The following USP9X variants were observed in gnomAD, a reference collection of about 807,000 sequenced individuals.
USP9X encodes ubiquitin carboxyl-terminal hydrolase 9X.
USP9X carries 7 observed loss-of-function variants against 190.3 expected under a neutral mutation model. The ratio of observed to expected loss-of-function variants is 0.04; its 90% CI spans 0.02 to 0.07. USP9X has a LOEUF of 0.07. Ranked by LOEUF, USP9X falls within the 10% of genes least tolerant of loss-of-function variation. The pLI is 1.00. For missense variants in USP9X, 1,010 were observed against 1,916.9 expected, an observed-to-expected ratio of 0.53 and a Z score of 8.83; for synonymous variants, 645 against 659.5, an observed-to-expected ratio of 0.98 and a Z score of 0.34.
At position 41,141,346 on chromosome X, in the gene USP9X, A is replaced by G. The variant is rs2062420961; in HGVS notation, c.1076A>G (p.Asn359Ser). ...NGKMNALNEV[N>S]KVISSVSYYT... ...AAGATGAATGCACTGAATGAAGTTA[A>G]TAAGGTGATATCTAGTGTATCATAC... Residue 359 changes from asparagine to serine, a missense_variant, in exon 9 of 45, where the codon AAT becomes AGT. Coordinates refer to ENST00000378308, the MANE Select transcript of USP9X (RefSeq NM_001039591.3). 8.3e-7 allele frequency: 1 copy of G among 1,206,536 alleles called. No individual in the cohort carries two copies. Among genetic ancestry groups the G allele is most frequent in the Non-Finnish European group, 1.1e-6 (1 of 893,526 alleles).
rs867908072 is a variant in USP9X at position 41,125,740 on chromosome X, T to G, written c.96+2016T>G. Among the ~76,000 whole-genome samples the G allele has an allele frequency of 6.4e-4, 69 of 107,669 alleles. No individual in the cohort carries two copies. In the Middle Eastern group the frequency reaches 0.019, roughly 30 times the overall value. 93.5% of individuals were successfully genotyped at this position (107,669 alleles called of 115,157 possible). A position where few individuals can be genotyped will look rare whatever the true frequency, so the allele number is the denominator to read the frequency against. ...CTCTCGCGCACGCGCGCGCGCTCTC[T>G]CTCTCTCTGTTCCTTTTGCTTACTT... On this transcript the variant is annotated intron_variant, in intron 2 of 44. Coordinates refer to ENST00000378308, the MANE Select transcript of USP9X (RefSeq NM_001039591.3).
Position 41,235,970 on chromosome X carries a change from G to A in USP9X, c.*3446G>A, listed in dbSNP as rs1212925543. The A allele has an allele frequency of 9.0e-6, 1 of 111,355 alleles. No individual in the cohort carries two copies. Among genetic ancestry groups the A allele is most frequent in the Non-Finnish European group, 1.9e-5 (1 of 52,961 alleles). The allele number at this position is 111,355 out of a possible 1,213,427, so 9.2% of individuals were successfully genotyped here. A position where few individuals can be genotyped will look rare whatever the true frequency, so the allele number is the denominator to read the frequency against. ...TTTTATTAGTATTTTTCCAGCTTAT[G>A]TTTTCCCATGAGCTATTTTACTTTG... On this transcript the variant is annotated 3_prime_UTR_variant, in exon 45 of 45. Coordinates refer to ENST00000378308, the MANE Select transcript of USP9X (RefSeq NM_001039591.3).
chrX:41,178,084 C>CTTTTTT (rs758055868), intron 21 of USP9X, among the ~76,000 whole-genome samples: 4 of 34,315 alleles, frequency 1.2e-4, no homozygotes, highest in African/African-American at 5.2e-4. Flanking sequence ...AGGTTTAAAT[C>CTTTTTT]TTTTTTTTTT....
At chrX:41,177,568 C>T (rs1181114697) in intron 21 of USP9X, among the ~76,000 whole-genome samples, 1 of 112,163 alleles carries the variant, frequency 8.9e-6, no homozygotes, top group Non-Finnish European at 1.9e-5. Flanking sequence ...CCAGGTTTCT[C>T]CTCTAAAGGA....
chrX:41,183,222 A>C (rs1293120626), intron 21 of USP9X, among the ~76,000 whole-genome samples: 3 of 109,163 alleles, frequency 2.7e-5, no homozygotes, highest in Non-Finnish European at 3.8e-5. Flanking sequence ...TACAGGCGTG[A>C]GCCACTGCGC....
chrX:41,116,601 C>T (rs1278429441), intron 1 of USP9X, among the ~76,000 whole-genome samples: 4 of 111,963 alleles, frequency 3.6e-5, no homozygotes, highest in African/African-American at 1.3e-4. Flanking sequence ...TTTTTTTCTC[C>T]CACTCAAACC....
intron 21 of USP9X, among the ~76,000 whole-genome samples, chrX:41,178,468 C>G (rs1442172415): frequency 1.8e-5 from 2 of 110,773 alleles, no homozygotes; most frequent in Non-Finnish European, 3.8e-5. Flanking sequence ...TTTGCATTTC[C>G]TTAATGATTA....
chrX:41,097,514 A>G (rs775430055), intron 1 of USP9X, among the ~76,000 whole-genome samples: 1 of 112,058 alleles, frequency 8.9e-6, no homozygotes, highest in South Asian at 3.7e-4. Context: ...GTGGGGTTAC[A>G]GCCATTGATG....
Position 41,189,410 on chromosome X carries a change from T to A in USP9X, c.3912T>A (p.Asp1304Glu). 1 of 1,211,534 alleles carries A rather than the reference T, an allele frequency of 8.3e-7. No homozygotes were observed. Among genetic ancestry groups the A allele is most frequent in the Non-Finnish European group, 1.1e-6 (1 of 895,039 alleles). ...LCFALIPTAL[D>E]ALSKEKAWQT... ...TTGCCTTGATTCCAACAGCCTTAGA[T>A]GCTCTTAGTAAAGAAAAGGCTTGGC... The change falls in exon 26 of 45, where the codon GAT becomes GAA. Residue 1304 changes from aspartate to glutamate, a missense_variant. By Grantham distance (45) the Asp-to-Glu change is conservative (BLOSUM62 2). This residue lies in a region of USP9X where 351 missense variants were observed against 480.8 expected (regional missense o/e 0.73). Coordinates refer to ENST00000378308, the MANE Select transcript of USP9X (RefSeq NM_001039591.3).
intron 26 of USP9X, chrX:41,195,997 T>A: frequency 2.1e-6 from 1 of 475,011 alleles, no homozygotes. Flanking sequence ...AAGAAAGAGG[T>A]GTTAGAAGGT....
At chrX:41,124,404 A>T (rs779520418) in intron 2 of USP9X, among the ~76,000 whole-genome samples, 1 of 111,527 alleles carries the variant, frequency 9.0e-6, no homozygotes, top group Admixed American at 9.5e-5. Context: ...AGATGGTGCC[A>T]CTGCACTCCA....
Position 41,167,565 on chromosome X carries a change from A to G in USP9X, c.2412A>G (p.Leu804=), listed in dbSNP as rs1388842540. The G allele has an allele frequency of 5.0e-6, 6 of 1,197,822 alleles. No individual in the cohort carries two copies. Among genetic ancestry groups the G allele is most frequent in the Non-Finnish European group, 6.8e-6 (6 of 886,085 alleles). The change falls in exon 17 of 45, where the codon CTA becomes CTG. Residue 804 remains leucine, a synonymous_variant. Coordinates refer to ENST00000378308, the MANE Select transcript of USP9X (RefSeq NM_001039591.3). ...KEIYTNLGPR[L]QVNQVVIHED... ...TATACACGAACCTTGGTCCAAGACT[A>G]CAAGTCAATCAGGTGAGGATTGATG...
chrX:41,230,669 T>C, intron 44 of USP9X, 73 bp downstream of exon 44: 1 of 884,071 alleles, frequency 1.1e-6, no homozygotes, highest in Non-Finnish European at 1.6e-6. Context: ...GATGGCTCAA[T>C]TGTTTGTTGT....
At position 41,134,114 on chromosome X, in the gene USP9X, C is replaced by T. The variant is rs757749323; in HGVS notation, c.323-611C>T. Among the ~76,000 whole-genome samples the T allele has an allele frequency of 4.5e-5, 5 of 112,068 alleles. No homozygotes were observed. The South Asian group carries it at 1.5e-3, about 33-fold the overall frequency. ...TTTCTGAGACCACGGTTATTTTCAA[C>T]AAGTTCCAAATTTTTAAAAGTTTAA... On this transcript the variant is annotated intron_variant, in intron 4 of 44. Transcript: ENST00000378308.
At chrX:41,212,137 G>C (rs760466081) in intron 33 of USP9X, among the ~76,000 whole-genome samples, 7,485 of 110,298 alleles carry the variant, frequency 0.068, 328 homozygotes, top group Middle Eastern at 0.11. Context: ...TTCTGCCTTA[G>C]GATCCTGTTG....
chrX:41,134,768 T>C lies in USP9X; in HGVS notation c.366T>C (p.Asp122=), dbSNP rs1178520585. Reference sequence around the variant, plus strand: ...AAGCATGTCAGCGATTTTTCCGTGATGGGCTAACAATATCATTCACTAAAA... The same window carrying C: ...AAGCATGTCAGCGATTTTTCCGTGACGGGCTAACAATATCATTCACTAAAA... ...KSEACQRFFR[D]GLTISFTKIL... is the part of the protein sequence containing the mutation. The change falls in exon 5 of 45, where the codon GAT becomes GAC. Residue 122 remains aspartate (D), a synonymous_variant. Transcript: ENST00000378308. 8.3e-7 allele frequency: 1 copy of C among 1,211,294 alleles called. No homozygotes were observed. The highest frequency in any genetic ancestry group is 1.1e-6 in the Non-Finnish European group (1 of 895,159).
chrX:41,190,397 T>C (rs186057795), intron 26 of USP9X, among the ~76,000 whole-genome samples: 40 of 110,921 alleles, frequency 3.6e-4, no homozygotes, highest in African/African-American at 1.2e-3. Context: ...TTTAAGAAGG[T>C]CCTTGGGTAA....
At chrX:41,197,635 A>C (rs1022262591) in intron 29 of USP9X, 125 bp downstream of exon 29, 33 of 623,460 alleles carry the variant, frequency 5.3e-5, no homozygotes, top group Middle Eastern at 5.7e-4. Flanking sequence ...TTTTTTAAGA[A>C]TCTTTATCAA....
intron 3 of USP9X, 115 bp from the exon 4 acceptor site, chrX:41,131,340 ATT>A: frequency 1.9e-6 from 1 of 517,594 alleles, no homozygotes; most frequent in African/African-American, 2.4e-5. Context: ...TTTTAATGTT[ATT>A]TTAATATTAA....
Sources: allele counts gnomAD v4.1 joint callset (sites outside exome capture counted in the v4.1 genomes callset), GRCh38; gene constraint gnomAD v4.1.1; regional missense constraint gnomAD v4.1.1; transcripts MANE v1.5; gene names NCBI Gene and HGNC (gene_info 2026-07-23, HGNC 2026-07-21).